ELAVL2: variants seen among roughly 807,000 people sequenced by gnomAD.
ELAVL2 encodes the protein ELAV like RNA binding protein 2, also known as ELAV-like protein 2.
In ELAVL2, 4 loss-of-function variants were observed where a neutral mutation model predicts 34.6. The observed-to-expected ratio is 0.12, with a 90% CI of 0.06 to 0.26. ELAVL2 has a LOEUF of 0.26. ELAVL2 is among the 10% of genes least tolerant of loss of function. The pLI is 1.00. For missense variants in ELAVL2, 432 were observed against 442.8 expected, an observed-to-expected ratio of 0.98 and a Z score of 0.22; for synonymous variants, 193 against 154.8, an observed-to-expected ratio of 1.25 and a Z score of -1.83.
At chr9:23,723,168 A>T (rs574283751) in intron 3 of ELAVL2, among the ~76,000 whole-genome samples, 1 of 152,270 alleles carries the variant, frequency 6.6e-6, no homozygotes, top group African/African-American at 2.4e-5. Flanking sequence ...CTTGGAACCA[A>T]CCCAAATGTC....
At chr9:23,745,791 G>A (rs1165224322) in intron 2 of ELAVL2, among the ~76,000 whole-genome samples, 2 of 152,156 alleles carry the variant, frequency 1.3e-5, no homozygotes, top group Admixed American at 6.6e-5. Flanking sequence ...AGGCAAATCT[G>A]TTTTACCACA....
chr9:23,790,019 G>C (rs994351024), intron 1 of ELAVL2, among the ~76,000 whole-genome samples: 1 of 150,704 alleles, frequency 6.6e-6, no homozygotes, highest in African/African-American at 2.4e-5. Flanking sequence ...ATAAATGCTT[G>C]AATAATCCAT....
At chr9:23,707,843 C>T (rs1347803851) in intron 3 of ELAVL2, among the ~76,000 whole-genome samples, 2 of 152,054 alleles carry the variant, frequency 1.3e-5, no homozygotes, top group Admixed American at 1.3e-4. Context: ...GGTAAATGCC[C>T]AGCCCCTTAA....
chr9:23,796,599 C>A, intron 1 of ELAVL2, among the ~76,000 whole-genome samples: 1 of 152,228 alleles, frequency 6.6e-6, no homozygotes, highest in East Asian at 1.9e-4. Context: ...GCATGACTTG[C>A]CTCACTAGGG....
intron 2 of ELAVL2, among the ~76,000 whole-genome samples, chr9:23,739,815 A>G (rs1178528188): frequency 1.3e-5 from 2 of 151,824 alleles, no homozygotes; most frequent in East Asian, 3.9e-4. Flanking sequence ...CCCCCCCACT[A>G]AGCAGTCCAT....
chr9:23,727,278 GTATCTGC>G (rs1392118275), intron 3 of ELAVL2, among the ~76,000 whole-genome samples: 8 of 152,078 alleles, frequency 5.3e-5, no homozygotes, highest in African/African-American at 1.9e-4. Context: ...ACTTTAACCT[GTATCTGC>G]TACTACTTAA....
At chr9:23,843,789 G>C in the ELAVL2 span, among the ~76,000 whole-genome samples, 2 of 151,594 alleles carry the variant, frequency 1.3e-5, no homozygotes. Context: ...TTTTTTGGTA[G>C]AGCACAGAAG....
chr9:23,722,182 T>A (rs2043898494), intron 3 of ELAVL2, among the ~76,000 whole-genome samples: 1 of 152,224 alleles, frequency 6.6e-6, no homozygotes, highest in African/African-American at 2.4e-5. Flanking sequence ...CATCCATGCT[T>A]TTTTAAAGAG....
At chr9:23,788,171 C>A (rs2059920625) in intron 1 of ELAVL2, among the ~76,000 whole-genome samples, 1 of 152,140 alleles carries the variant, frequency 6.6e-6, no homozygotes, top group South Asian at 2.1e-4. Context: ...TAACAGTTGA[C>A]TAACCTAAAG....
the ELAVL2 span, among the ~76,000 whole-genome samples, chr9:23,845,321 G>A: frequency 6.6e-6 from 1 of 151,330 alleles, no homozygotes; most frequent in Admixed American, 6.6e-5. Flanking sequence ...TTGTATAGAC[G>A]GTTGTATGAT....
intron 1 of ELAVL2, among the ~76,000 whole-genome samples, chr9:23,778,893 T>C (rs901111565): frequency 3.3e-5 from 5 of 152,188 alleles, no homozygotes; most frequent in Non-Finnish European, 5.9e-5. Flanking sequence ...TATACTACTA[T>C]GGATTTGGAT....
intron 5 of ELAVL2, among the ~76,000 whole-genome samples, chr9:23,697,088 T>G (rs1233899798): frequency 6.6e-6 from 1 of 152,084 alleles, no homozygotes; most frequent in Non-Finnish European, 1.5e-5. Context: ...CTCCTGCTCT[T>G]TAGCCTGAAC....
intron 3 of ELAVL2, among the ~76,000 whole-genome samples, chr9:23,730,187 T>C (rs2046201759): frequency 6.6e-6 from 1 of 152,156 alleles, no homozygotes; most frequent in Non-Finnish European, 1.5e-5. Flanking sequence ...AGAGGCGACA[T>C]CCCTCTTATT....
intron 5 of ELAVL2, among the ~76,000 whole-genome samples, chr9:23,698,695 T>A (rs2036120594): frequency 6.7e-6 from 1 of 149,024 alleles, no homozygotes; most frequent in Admixed American, 6.7e-5. Flanking sequence ...AACAGCAAAA[T>A]ACCAACAAAA....
At chr9:23,725,280 G>A (rs940899418) in intron 3 of ELAVL2, among the ~76,000 whole-genome samples, 6 of 152,044 alleles carry the variant, frequency 3.9e-5, no homozygotes, top group African/African-American at 1.2e-4. Context: ...CTTCTATAAC[G>A]CATAACTCAG....
intron 2 of ELAVL2, among the ~76,000 whole-genome samples, chr9:23,755,773 A>G (rs2053406325): frequency 6.6e-6 from 1 of 152,160 alleles, no homozygotes; most frequent in Non-Finnish European, 1.5e-5. Flanking sequence ...TTCTAATTAA[A>G]TAGCATACAG....
intron 1 of ELAVL2, among the ~76,000 whole-genome samples, chr9:23,779,974 T>C (rs1313630492): frequency 8.9e-6 from 1 of 112,528 alleles, no homozygotes; most frequent in East Asian, 2.5e-4. Flanking sequence ...GGTGATAGTG[T>C]TCCTTAAAAA....
At chr9:23,830,993 T>C (rs2065483096), upstream of ELAVL2, among the ~76,000 whole-genome samples, 1 of 152,162 alleles carries the variant, frequency 6.6e-6, no homozygotes, top group Admixed American at 6.5e-5. Flanking sequence ...TTCTTTAAGC[T>C]TCCCCCTGGA....
At chr9:23,846,820 C>G in the ELAVL2 span, among the ~76,000 whole-genome samples, 23 of 152,192 alleles carry the variant, frequency 1.5e-4, no homozygotes, top group African/African-American at 5.5e-4. Flanking sequence ...TCCCTACCCT[C>G]AGAATATGTG....
Sources: gnomAD v4.1 joint callset for allele counts (sites outside exome capture counted in the v4.1 genomes callset) on GRCh38, gnomAD v4.1.1 for gene constraint, MANE v1.5 for transcripts, NCBI Gene and HGNC (gene_info 2026-07-23, HGNC 2026-07-21) for gene names.